The following BBX variants were observed in gnomAD, a reference collection of about 807,000 sequenced individuals.
BBX encodes the protein BBX high mobility group box domain containing.
A neutral mutation model predicts 100.2 loss-of-function variants in BBX; 30 were observed. The ratio of observed to expected loss-of-function variants is 0.30; its 90% confidence interval spans 0.22 to 0.41. The LOEUF is 0.41. Among genes scored for constraint, BBX ranks in the 10% least tolerant of loss-of-function variants. BBX has a pLI of 1.00. For synonymous variants in BBX, 376 were observed against 388.1 expected (o/e 0.97, Z 0.37); for missense variants, 1,023 against 1,129.8 (o/e 0.91, Z 1.35).
rs1215370459 is a variant in BBX, at chr3:107,555,468, A to G, written c.-84+29070A>G. Among the ~76,000 whole-genome samples the G allele has an allele frequency of 2.6e-5, 4 of 152,238 alleles. No individual in the cohort carries two copies. In the East Asian group the frequency reaches 7.7e-4, roughly 29 times the overall value. On this transcript the variant is annotated intron_variant, in intron 2 of 17. Transcript: ENST00000325805. ...GTGCTTGTTAACTTTTCAAGAAGAC[A>G]TTGACTGCTGTGATCACATCACTGT...
intron 2 of BBX, among the ~76,000 whole-genome samples, chr3:107,571,909 G>A (rs988339137): frequency 3.9e-5 from 6 of 152,226 alleles, no homozygotes; most frequent in Non-Finnish European, 8.8e-5. Flanking sequence ...GCATGCACAT[G>A]TGGTTCACTT....
chr3:107,730,655 G>C (rs2063257624), intron 6 of BBX, among the ~76,000 whole-genome samples: 2 of 152,098 alleles, frequency 1.3e-5, no homozygotes, highest in Non-Finnish European at 2.9e-5. Flanking sequence ...CTTCAAACAA[G>C]ATCTTTACAG....
rs1179959292 is a variant in BBX at position 107,778,437 on chromosome 3, A to G, written c.2121A>G (p.Thr707=). Residue 707 remains threonine, a synonymous_variant, in exon 13 of 18, where the codon ACA becomes ACG. Coordinates refer to ENST00000325805, the MANE Select transcript of BBX (RefSeq NM_001142568.3). ...GCCTCCCTCAATATAGTCCTGTTACATTTGACCGGAAATGTGTACCTGTCC... is the reference window on the plus strand; with the variant it reads ...GCCTCCCTCAATATAGTCCTGTTACGTTTGACCGGAAATGTGTACCTGTCC... ...FNSLPQYSPV[T]FDRKCVPVPR... 3 of 1,613,460 alleles carry G rather than the reference A, an allele frequency of 1.9e-6. No individual in the cohort carries two copies. The South Asian group carries it at 3.3e-5, about 18-fold the overall frequency.
chr3:107,679,262 A>G (rs762366854), intron 3 of BBX, among the ~76,000 whole-genome samples: 1 of 152,080 alleles, frequency 6.6e-6, no homozygotes, highest in Non-Finnish European at 1.5e-5. Flanking sequence ...GATTACAGTT[A>G]TGTTTGACAC....
chr3:107,665,412 AT>A (rs950926128), intron 3 of BBX, among the ~76,000 whole-genome samples: 4 of 152,100 alleles, frequency 2.6e-5, no homozygotes, highest in African/African-American at 9.7e-5. Context: ...TGACGCCACA[AT>A]TTTGTATTCT....
intron 2 of BBX, among the ~76,000 whole-genome samples, chr3:107,548,780 C>T (rs527523477): frequency 6.5e-4 from 99 of 152,290 alleles, no homozygotes; most frequent in African/African-American, 2.4e-3. Context: ...AAATGTAGTA[C>T]ATATTCACTG....
intron 2 of BBX, among the ~76,000 whole-genome samples, chr3:107,640,417 A>T (rs12330925): frequency 0.075 from 11,360 of 152,064 alleles, 566 homozygotes; most frequent in Admixed American, 0.12. Flanking sequence ...TATGCCTTTA[A>T]CACTCTCCTC....
At chr3:107,591,430 TA>T (rs751831449) in intron 2 of BBX, among the ~76,000 whole-genome samples, 4 of 152,182 alleles carry the variant, frequency 2.6e-5, no homozygotes, top group Non-Finnish European at 5.9e-5. Flanking sequence ...TTAAGATCTA[TA>T]AACAGTCAGT....
intron 16 of BBX, among the ~76,000 whole-genome samples, chr3:107,799,672 A>G (rs562528508): frequency 3.3e-5 from 5 of 152,256 alleles, no homozygotes; most frequent in East Asian, 1.9e-4. Context: ...TTCACTTCCT[A>G]TATAACTGGT....
chr3:107,616,851 A>T (rs2055330262), intron 2 of BBX, among the ~76,000 whole-genome samples: 1 of 152,068 alleles, frequency 6.6e-6, no homozygotes, highest in Admixed American at 6.6e-5. Flanking sequence ...TTGTCTTTTC[A>T]TCATCTTCTT....
intron 13 of BBX, among the ~76,000 whole-genome samples, chr3:107,779,203 T>C (rs1246779299): frequency 1.3e-5 from 2 of 151,430 alleles, no homozygotes; most frequent in African/African-American, 4.9e-5. Flanking sequence ...CTAAAGGGGA[T>C]TGTAAGAGGG....
chr3:107,605,745 G>C (rs913904812), intron 2 of BBX, among the ~76,000 whole-genome samples: 1 of 152,256 alleles, frequency 6.6e-6, no homozygotes, highest in Non-Finnish European at 1.5e-5. Flanking sequence ...ATGAAGAAAT[G>C]GAAGCACAGG....
At chr3:107,579,086 G>C (rs1174859026) in intron 2 of BBX, among the ~76,000 whole-genome samples, 1 of 152,150 alleles carries the variant, frequency 6.6e-6, no homozygotes, top group East Asian at 1.9e-4. Context: ...CAGAAGAGAT[G>C]CATGTCTCAA....
At chr3:107,721,094 T>C (rs2062493887) in intron 5 of BBX, among the ~76,000 whole-genome samples, 1 of 152,090 alleles carries the variant, frequency 6.6e-6, no homozygotes, top group Non-Finnish European at 1.5e-5. Context: ...GATTTCCACA[T>C]AGATGAAACT....
chr3:107,531,475 C>T (rs889997915), intron 2 of BBX, among the ~76,000 whole-genome samples: 76 of 152,048 alleles, frequency 5.0e-4, no homozygotes, highest in African/African-American at 1.7e-3. Context: ...AATGTAGGAC[C>T]CTTATTCACA....
At chr3:107,546,219 C>T (rs978920455) in intron 2 of BBX, among the ~76,000 whole-genome samples, 2 of 152,200 alleles carry the variant, frequency 1.3e-5, no homozygotes, top group Non-Finnish European at 2.9e-5. Flanking sequence ...TACTGACCAT[C>T]CATATTTTCA....
chr3:107,752,038 A>G (rs926722992), intron 9 of BBX, among the ~76,000 whole-genome samples: 2 of 152,236 alleles, frequency 1.3e-5, no homozygotes, highest in African/African-American at 4.8e-5. Context: ...GCCATGACCA[A>G]TCCACATATT....
At chr3:107,543,753 G>C (rs1483688675) in intron 2 of BBX, among the ~76,000 whole-genome samples, 1 of 152,184 alleles carries the variant, frequency 6.6e-6, no homozygotes, top group African/African-American at 2.4e-5. Context: ...TTAAGCAAAA[G>C]AGTCTTTAAA....
chr3:107,544,769 G>A (rs552808175), intron 2 of BBX, among the ~76,000 whole-genome samples: 1 of 151,090 alleles, frequency 6.6e-6, no homozygotes, highest in African/African-American at 2.4e-5. Context: ...ACTTTGGGCG[G>A]CCAAGGCGGG....
Sources: allele counts gnomAD v4.1 joint callset (sites outside exome capture counted in the v4.1 genomes callset), GRCh38; gene constraint gnomAD v4.1.1; transcripts MANE v1.5; gene names NCBI Gene and HGNC (gene_info 2026-07-23, HGNC 2026-07-21).